Variants in PHACTR3 observed in about 807,000 individuals in gnomAD.
The protein encoded by PHACTR3 is phosphatase and actin regulator 3, also known as protein phosphatase 1, regulatory subunit 123.
Under a neutral mutation model 66.8 loss-of-function variants are expected in PHACTR3, and 16 were observed. The observed-to-expected ratio is 0.24, with a 90% CI of 0.16 to 0.36. PHACTR3 has a LOEUF of 0.36. PHACTR3 is among the 10% of genes least tolerant of loss of function. The pLI is 1.00. For missense variants in PHACTR3, 647 were observed against 719.9 expected, an observed-to-expected ratio of 0.90 and a Z score of 1.16; for synonymous variants, 323 against 292.1, an observed-to-expected ratio of 1.11 and a Z score of -1.08.
At chr20:59,602,990 C>G (rs2033523417), upstream of PHACTR3, among the ~76,000 whole-genome samples, 1 of 152,186 alleles carries the variant, frequency 6.6e-6, no homozygotes, top group African/African-American at 2.4e-5. Context: ...AAGTGGAGAC[C>G]ACAGTAGCTC....
chr20:59,627,485 G>T (rs1477316734), intron 1 of PHACTR3, among the ~76,000 whole-genome samples: 1 of 152,212 alleles, frequency 6.6e-6, no homozygotes, highest in East Asian at 1.9e-4. Flanking sequence ...AGAGGTTCTG[G>T]CGGCAATGGG....
Position 59,639,730 on chromosome 20 carries a change from A to AG in PHACTR3, c.118+34603dup, listed in dbSNP as rs1193403334. ...GGTACTGCTGAGGGAGGAGGGGAGA[A>AG]GGGGGATGGATGCACATGAATGGAA... On this transcript the variant is annotated intron_variant, in intron 1 of 12. Transcript: ENST00000371015. 1.1e-4 allele frequency among the ~76,000 whole-genome samples: 17 copies of AG among 150,056 alleles called. 1 individual carries two copies. The South Asian group carries it at 3.6e-3, about 32-fold the overall frequency.
chr20:59,843,895 G>A (rs558571982), intron 11 of PHACTR3: 7 of 152,120 alleles, frequency 4.6e-5, no homozygotes, highest in African/African-American at 1.4e-4. Flanking sequence ...CAGGGAATAT[G>A]AGAAAATATT....
rs1029451163 is a variant in PHACTR3, at chr20:59,774,534, G to A, written c.1174+44G>A. The A allele has an allele frequency of 4.4e-6, 7 of 1,592,100 alleles. No homozygotes were observed. The South Asian group carries it at 5.8e-5, about 13-fold the overall frequency. ...ATTAAGTGTGGGGATCTCGGCCAGA[G>A]GTCTAGTGTCACCAGGGGGTCGAGG... On this transcript the variant is annotated intron_variant, in intron 7 of 12. Coordinates refer to ENST00000371015, the MANE Select transcript of PHACTR3 (RefSeq NM_080672.5).
At chr20:59,778,103 C>T (rs960782663) in intron 7 of PHACTR3, among the ~76,000 whole-genome samples, 2 of 152,184 alleles carry the variant, frequency 1.3e-5, no homozygotes, top group South Asian at 2.1e-4. Flanking sequence ...CGGGTCCAGC[C>T]AACTCCCTCT....
At chr20:59,579,947 G>A (rs1333532375) in intron 1 of PHACTR3, among the ~76,000 whole-genome samples, 3 of 152,154 alleles carry the variant, frequency 2.0e-5, no homozygotes, top group South Asian at 2.1e-4. Flanking sequence ...TTCACTTTCC[G>A]TGGGAGAGGG....
chr20:59,725,402 G>A (rs886901437), intron 1 of PHACTR3, among the ~76,000 whole-genome samples: 2 of 151,972 alleles, frequency 1.3e-5, no homozygotes, highest in African/African-American at 2.4e-5. Context: ...AGCCCAGATC[G>A]GTATGAGCTT....
chr20:59,579,365 G>A (rs2032800806), intron 1 of PHACTR3, among the ~76,000 whole-genome samples: 1 of 152,256 alleles, frequency 6.6e-6, no homozygotes, highest in East Asian at 1.9e-4. Flanking sequence ...TATTTTGTCA[G>A]TGGGTCAGCA....
chr20:59,831,052 C>T (rs2042356376), intron 8 of PHACTR3, among the ~76,000 whole-genome samples: 1 of 152,180 alleles, frequency 6.6e-6, no homozygotes, highest in Non-Finnish European at 1.5e-5. Flanking sequence ...CTCCCTGTCT[C>T]CTCTGTGCTA....
upstream of PHACTR3, among the ~76,000 whole-genome samples, chr20:59,600,394 T>C (rs550506536): frequency 2.6e-5 from 4 of 152,318 alleles, no homozygotes; most frequent in African/African-American, 9.6e-5. Flanking sequence ...AAAGTGACTG[T>C]TTGGGCACAG....
At chr20:59,761,917 C>G (rs2040005010) in intron 4 of PHACTR3, among the ~76,000 whole-genome samples, 1 of 152,238 alleles carries the variant, frequency 6.6e-6, no homozygotes, top group South Asian at 2.1e-4. Flanking sequence ...CCCCCAAATG[C>G]AGGGAACCAG....
chr20:59,680,610 G>A (rs2036608965), intron 1 of PHACTR3, among the ~76,000 whole-genome samples: 1 of 152,190 alleles, frequency 6.6e-6, no homozygotes, highest in African/African-American at 2.4e-5. Context: ...GCCCAGGATG[G>A]CTTTGAATGC....
At chr20:59,607,039 C>T (rs2033694439) in intron 1 of PHACTR3, among the ~76,000 whole-genome samples, 1 of 152,158 alleles carries the variant, frequency 6.6e-6, no homozygotes, top group Admixed American at 6.5e-5. Flanking sequence ...TTGGAGGGAA[C>T]TTGGGAACTT....
chr20:59,648,177 T>C lies in PHACTR3; in HGVS notation c.118+43045T>C, dbSNP rs1480404284. Among the ~76,000 whole-genome samples the C allele has an allele frequency of 2.0e-5, 3 of 152,194 alleles. No individual in the cohort carries two copies. In the South Asian group the frequency reaches 6.2e-4, roughly 32 times the overall value. ...GGCTTCAGGCCCATTGACCACAGGG[T>C]CTAATTATACTGTTCACCATTGCTT... is the stretch of plus-strand genomic sequence containing the variant. On this transcript the variant is annotated intron_variant, in intron 1 of 12. Transcript: ENST00000371015.
chr20:59,784,292 G>C (rs1171764606), intron 7 of PHACTR3, among the ~76,000 whole-genome samples: 1 of 148,578 alleles, frequency 6.7e-6, no homozygotes, highest in African/African-American at 2.6e-5. Context: ...ACACACATAT[G>C]CACATATATG....
intron 7 of PHACTR3, among the ~76,000 whole-genome samples, chr20:59,801,198 G>A (rs1242988196): frequency 1.3e-5 from 2 of 152,102 alleles, no homozygotes; most frequent in Non-Finnish European, 2.9e-5. Flanking sequence ...TCTCAACTCT[G>A]GGAGTTTTCC....
At chr20:59,807,729 C>T (rs1018595925) in intron 8 of PHACTR3, among the ~76,000 whole-genome samples, 8 of 152,124 alleles carry the variant, frequency 5.3e-5, no homozygotes, top group Admixed American at 1.3e-4. Context: ...AACAATGTCA[C>T]GAGGCATAAG....
At chr20:59,831,861 G>T (rs2042393617) in intron 8 of PHACTR3, among the ~76,000 whole-genome samples, 1 of 152,214 alleles carries the variant, frequency 6.6e-6, no homozygotes, top group Non-Finnish European at 1.5e-5. Context: ...CCGGCTCTGG[G>T]GGTCTGCTCT....
chr20:59,740,744 AG>A (rs2039125132), intron 1 of PHACTR3, among the ~76,000 whole-genome samples: 1 of 152,240 alleles, frequency 6.6e-6, no homozygotes. Context: ...GGTTAGAGAC[AG>A]GTGCAGCCCT....
Sources: gnomAD v4.1 joint callset for allele counts (sites outside exome capture counted in the v4.1 genomes callset) on GRCh38, gnomAD v4.1.1 for gene constraint, MANE v1.5 for transcripts, NCBI Gene and HGNC (gene_info 2026-07-23, HGNC 2026-07-21) for gene names.